Variants in HSD17B4 observed in about 807,000 individuals in gnomAD.
HSD17B4 encodes the protein peroxisomal multifunctional enzyme type 2.
In HSD17B4, 70 loss-of-function variants were observed where a neutral mutation model predicts 101.0. That is an observed-to-expected ratio of 0.69 (90% CI 0.57 to 0.85). The LOEUF (loss-of-function observed/expected upper bound fraction) is 0.85. HSD17B4 is among the 40% of genes least tolerant of loss of function. HSD17B4 has a pLI of 0.00. For missense variants in HSD17B4, 984 were observed against 892.4 expected (o/e 1.10, Z -1.31); for synonymous variants, 347 against 297.1 (o/e 1.17, Z -1.73).
At chr5:119,518,962 A>G (rs761937728) in intron 17 of HSD17B4, among the ~76,000 whole-genome samples, 5 of 151,954 alleles carry the variant, frequency 3.3e-5, no homozygotes, top group African/African-American at 4.8e-5. Flanking sequence ...ACTTGTCTCC[A>G]CTAAAAGTAA....
chr5:119,504,761 C>G (rs142515217), intron 14 of HSD17B4, among the ~76,000 whole-genome samples: 646 of 152,056 alleles, frequency 4.2e-3, no homozygotes, highest in Admixed American at 8.3e-3. Flanking sequence ...TAATTAGGTC[C>G]TACTTGTTAA....
At chr5:119,499,165 T>C in intron 12 of HSD17B4, 152 bp from the exon 13 acceptor site, 1 of 624,216 alleles carries the variant, frequency 1.6e-6, no homozygotes, top group Non-Finnish European at 2.8e-6. Context: ...TTAGTTTCTA[T>C]TAAAAAATAA....
At chr5:119,505,877 A>G (rs1751599879) in intron 14 of HSD17B4, among the ~76,000 whole-genome samples, 1 of 152,156 alleles carries the variant, frequency 6.6e-6, no homozygotes. Flanking sequence ...GTCAAAAGAC[A>G]CCAAGAGGAG....
intron 8 of HSD17B4, among the ~76,000 whole-genome samples, chr5:119,485,238 G>A (rs945720599): frequency 1.3e-5 from 2 of 152,174 alleles, no homozygotes; most frequent in South Asian, 2.1e-4. Flanking sequence ...TTGGGAAGCC[G>A]TACGTTTTCA....
At chr5:119,516,928 G>A (rs951572494) in intron 17 of HSD17B4, among the ~76,000 whole-genome samples, 4 of 152,240 alleles carry the variant, frequency 2.6e-5, no homozygotes, top group Admixed American at 1.3e-4. Flanking sequence ...AGAAGTGAGA[G>A]GTGACAGCGT....
intron 7 of HSD17B4, among the ~76,000 whole-genome samples, chr5:119,478,594 G>A (rs1259340672): frequency 1.3e-5 from 2 of 152,148 alleles, no homozygotes; most frequent in Non-Finnish European, 2.9e-5. Context: ...TAAAGCATAA[G>A]TCTAAGATCA....
chr5:119,466,555 T>C (rs918499822), intron 2 of HSD17B4, among the ~76,000 whole-genome samples: 21 of 152,182 alleles, frequency 1.4e-4, no homozygotes, highest in African/African-American at 4.3e-4. Context: ...CATATGTCTA[T>C]GTCCAGTTTT....
chr5:119,475,910 C>G (rs1042125415), intron 6 of HSD17B4, 40 bp downstream of exon 6: 2 of 1,399,228 alleles, frequency 1.4e-6, no homozygotes, highest in Non-Finnish European at 2.0e-6. Context: ...ACATACTTAT[C>G]CATTTAGCCT....
chr5:119,541,141 G>A (rs990075444), intron 23 of HSD17B4, among the ~76,000 whole-genome samples: 3 of 152,136 alleles, frequency 2.0e-5, no homozygotes, highest in Non-Finnish European at 2.9e-5. Context: ...ACTTGCACCA[G>A]TTTCTGTATC....
intron 22 of HSD17B4, among the ~76,000 whole-genome samples, chr5:119,533,127 G>A (rs552618204): frequency 1.1e-4 from 16 of 152,198 alleles, no homozygotes; most frequent in South Asian, 2.1e-4. Context: ...ACCTGTACAT[G>A]TATATAAATA....
At chr5:119,538,300 A>G (rs1030525323) in intron 23 of HSD17B4, among the ~76,000 whole-genome samples, 1 of 152,050 alleles carries the variant, frequency 6.6e-6, no homozygotes, top group Non-Finnish European at 1.5e-5. Flanking sequence ...TCCAAAATAT[A>G]TCTTGAATTC....
intron 16 of HSD17B4, among the ~76,000 whole-genome samples, chr5:119,511,355 G>T (rs534070377): frequency 2.6e-5 from 4 of 152,174 alleles, no homozygotes; most frequent in Non-Finnish European, 5.9e-5. Context: ...AGCCCAGCTA[G>T]ACATTTACTA....
At chr5:119,463,250 C>T (rs899201147) in intron 2 of HSD17B4, among the ~76,000 whole-genome samples, 2 of 152,132 alleles carry the variant, frequency 1.3e-5, no homozygotes, top group African/African-American at 4.8e-5. Flanking sequence ...TTTATCCATG[C>T]ATCTGTTGAT....
chr5:119,459,479 C>G (rs1465083750), intron 2 of HSD17B4, among the ~76,000 whole-genome samples: 1 of 152,166 alleles, frequency 6.6e-6, no homozygotes, highest in Non-Finnish European at 1.5e-5. Context: ...ACATGTTTCT[C>G]CTAGATGCTT....
At chr5:119,485,602 TCTC>T (rs751093148) in intron 8 of HSD17B4, among the ~76,000 whole-genome samples, 11 of 152,184 alleles carry the variant, frequency 7.2e-5, no homozygotes, top group Non-Finnish European at 1.2e-4. Context: ...AAGCTTTTCT[TCTC>T]CTCCTCTAAA....
chr5:119,509,368 C>G (rs1232616067), intron 16 of HSD17B4, 124 bp downstream of exon 16: 6 of 746,490 alleles, frequency 8.0e-6, no homozygotes, highest in Middle Eastern at 3.3e-4. Flanking sequence ...TCTTATACAT[C>G]TGCCACCCCT....
chr5:119,470,530 G>T (rs1427004585), intron 2 of HSD17B4, among the ~76,000 whole-genome samples: 1 of 152,156 alleles, frequency 6.6e-6, no homozygotes, highest in African/African-American at 2.4e-5. Context: ...GTGATTACAG[G>T]TATTTGTGAT....
chr5:119,457,083 G>A (rs1226542292), intron 2 of HSD17B4, among the ~76,000 whole-genome samples: 1 of 152,178 alleles, frequency 6.6e-6, no homozygotes, highest in Non-Finnish European at 1.5e-5. Flanking sequence ...GAATCCTAAA[G>A]GTGGGAGGTT....
Position 119,469,436 on chromosome 5 carries a change from C to G in HSD17B4, c.113-4472C>G, listed in dbSNP as rs377725421. Among the ~76,000 whole-genome samples the G allele has an allele frequency of 9.2e-4, 140 of 152,192 alleles. 2 individuals are homozygous for G. Among genetic ancestry groups the G allele is most frequent in the Middle Eastern group, 3.4e-3 (1 of 294 alleles). ...GTGGCGCGGTCTCGGCTCATTGCAACCTCTGCCTCCTGGTTCAAGCAATTC... is the reference window on the plus strand; with the variant it reads ...GTGGCGCGGTCTCGGCTCATTGCAAGCTCTGCCTCCTGGTTCAAGCAATTC... On this transcript the variant is annotated intron_variant, in intron 2 of 23. Coordinates refer to ENST00000510025, the MANE Select transcript of HSD17B4 (RefSeq NM_000414.4).
Sources: allele counts gnomAD v4.1 joint callset (sites outside exome capture counted in the v4.1 genomes callset), GRCh38; gene constraint gnomAD v4.1.1; transcripts MANE v1.5; gene names NCBI Gene and HGNC (gene_info 2026-07-23, HGNC 2026-07-21).